The following CLCN5 variants were observed in gnomAD, a reference collection of about 807,000 sequenced individuals.
CLCN5 encodes the protein Cl-/H+ antiporter 5.
CLCN5 carries 17 observed loss-of-function variants against 54.0 expected under a neutral mutation model. The observed-to-expected ratio is 0.31, with a 90% CI of 0.22 to 0.47. The LOEUF (loss-of-function observed/expected upper bound fraction) is 0.47. Ranked by LOEUF, CLCN5 falls within the 20% of genes least tolerant of loss-of-function variation. The pLI is 1.00. For synonymous variants in CLCN5, 222 were observed against 233.0 expected, an observed-to-expected ratio of 0.95 and a Z score of 0.43; for missense variants, 448 against 646.7, an observed-to-expected ratio of 0.69 and a Z score of 3.33.
intron 3 of CLCN5, among the ~76,000 whole-genome samples, chrX:50,015,254 T>C (rs1374582665): frequency 9.1e-6 from 1 of 110,302 alleles, no homozygotes; most frequent in Non-Finnish European, 1.9e-5. Context: ...AGTCTTCCTA[T>C]TCCCCCCACT....
intron 3 of CLCN5, among the ~76,000 whole-genome samples, chrX:49,969,564 T>C (rs1928097666): frequency 1.8e-5 from 2 of 112,695 alleles, no homozygotes; most frequent in African/African-American, 6.5e-5. Flanking sequence ...AAATATTTAG[T>C]GGCTTTTGCA....
At chrX:49,967,215 T>TGGCAAACCGAATCCAGC (rs2060334791) in intron 3 of CLCN5, among the ~76,000 whole-genome samples, 3 of 24,234 alleles carry the variant, frequency 1.2e-4, no homozygotes, top group Admixed American at 4.9e-4. Context: ...ATGGTTGAAC[T>TGGCAAACCGAATCCAGC]AGTTTACAGT....
chrX:49,980,614 C>T (rs1470687928), intron 3 of CLCN5, among the ~76,000 whole-genome samples: 1 of 111,939 alleles, frequency 8.9e-6, no homozygotes, highest in Non-Finnish European at 1.9e-5. Context: ...ATATAAAATG[C>T]CAATGACTGA....
intron 3 of CLCN5, among the ~76,000 whole-genome samples, chrX:49,971,917 G>T (rs140155566): frequency 9.0e-6 from 1 of 111,694 alleles, no homozygotes; most frequent in Non-Finnish European, 1.9e-5. Context: ...AATCTGCCAG[G>T]TTCCTTACTC....
intron 8 of CLCN5, among the ~76,000 whole-genome samples, chrX:50,081,425 C>T (rs1933695310): frequency 9.0e-6 from 1 of 111,004 alleles, no homozygotes; most frequent in Non-Finnish European, 1.9e-5. Flanking sequence ...AGCTATCACT[C>T]CCCTCCCCCT....
At chrX:50,060,563 G>A (rs1410194640) in intron 4 of CLCN5, among the ~76,000 whole-genome samples, 77 of 108,400 alleles carry the variant, frequency 7.1e-4, no homozygotes, top group African/African-American at 2.3e-3. Flanking sequence ...ACTGCAAGGC[G>A]GCAGCGAGGC....
At chrX:49,935,672 T>C (rs782098938) in intron 3 of CLCN5, among the ~76,000 whole-genome samples, 25 of 111,512 alleles carry the variant, frequency 2.2e-4, no homozygotes, top group Non-Finnish European at 4.5e-4. Flanking sequence ...GGAGGAGTTA[T>C]CCACGCAAAG....
chrX:49,945,469 G>A (rs1480611905), intron 3 of CLCN5: 1 of 108,665 alleles, frequency 9.2e-6, no homozygotes, highest in Non-Finnish European at 1.9e-5. Context: ...TTTTAAGATG[G>A]AGTCTTACTC....
At chrX:49,966,186 G>T (rs1407561558) in intron 3 of CLCN5, among the ~76,000 whole-genome samples, 4 of 111,304 alleles carry the variant, frequency 3.6e-5, no homozygotes, top group African/African-American at 1.3e-4. Context: ...TTCTAGTGAA[G>T]CCATCTGGAC....
intron 3 of CLCN5, among the ~76,000 whole-genome samples, chrX:50,033,911 G>C (rs1191777142): frequency 9.0e-6 from 1 of 111,590 alleles, no homozygotes; most frequent in East Asian, 2.8e-4. Context: ...TCTGTTCAGA[G>C]TCCTCACCTT....
chrX:50,038,094 A>G (rs1932072494), intron 3 of CLCN5, among the ~76,000 whole-genome samples: 1 of 112,102 alleles, frequency 8.9e-6, no homozygotes, highest in Admixed American at 9.5e-5. Context: ...GGGATATGTC[A>G]AAAGAACATA....
intron 1 of CLCN5, among the ~76,000 whole-genome samples, chrX:49,923,128 C>T (rs1282263363): frequency 4.4e-5 from 5 of 113,355 alleles, no homozygotes; most frequent in African/African-American, 1.6e-4. Context: ...CCGCCTGCGT[C>T]CCCTTTCCCG....
chrX:50,042,025 A>G (rs1043547930), intron 3 of CLCN5, among the ~76,000 whole-genome samples: 3 of 112,139 alleles, frequency 2.7e-5, no homozygotes, highest in Admixed American at 9.5e-5. Context: ...AGTGTCACAT[A>G]TTGTGTGATT....
chrX:49,936,651 T>C (rs1334185230), intron 3 of CLCN5, among the ~76,000 whole-genome samples: 1 of 112,450 alleles, frequency 8.9e-6, no homozygotes, highest in Non-Finnish European at 1.9e-5. Flanking sequence ...CTTCAGATGA[T>C]TGACTGAAAA....
chrX:50,012,714 C>T (rs1453385726), intron 3 of CLCN5, among the ~76,000 whole-genome samples: 2 of 111,618 alleles, frequency 1.8e-5, no homozygotes, highest in Non-Finnish European at 3.8e-5. Flanking sequence ...GGTCCCTGGG[C>T]CAGCAGCATC....
At chrX:50,022,402 T>A (rs1931145019) in intron 3 of CLCN5, among the ~76,000 whole-genome samples, 2 of 10,221 alleles carry the variant, frequency 2.0e-4, no homozygotes, top group South Asian at 0.013. Flanking sequence ...GGTCTATCAA[T>A]TTTGTTGATC....
At position 50,093,801 on chromosome X, in the gene CLCN5, G is replaced by A. The variant is rs782591153; in HGVS notation, c.*1582G>A. On this transcript the variant is annotated 3_prime_UTR_variant, in exon 15 of 15. Transcript: ENST00000376091. ...AGGGCTAGTTAAATTGTAAACCAAG[G>A]CTCAGCAGTCTCACAACACATGGAC... 1 of 111,653 alleles carries A rather than the reference G, an allele frequency of 9.0e-6. No individual in the cohort carries two copies. The highest frequency in any genetic ancestry group is 9.5e-5 in the Admixed American group (1 of 10,529). The allele number at this position is 111,653 out of a possible 1,213,427, so 9.2% of individuals were successfully genotyped here.
intron 3 of CLCN5, among the ~76,000 whole-genome samples, chrX:50,031,530 C>T (rs1931698170): frequency 9.0e-6 from 1 of 110,986 alleles, no homozygotes; most frequent in Non-Finnish European, 1.9e-5. Flanking sequence ...GCCTTTTTTA[C>T]TCATTTTCTC....
intron 3 of CLCN5, among the ~76,000 whole-genome samples, chrX:49,996,258 G>C (rs1345616901): frequency 9.0e-6 from 1 of 111,600 alleles, no homozygotes; most frequent in African/African-American, 3.3e-5. Context: ...TTCTGCTCTT[G>C]AAATCTATTG....
Sources: allele counts gnomAD v4.1 joint callset (sites outside exome capture counted in the v4.1 genomes callset), GRCh38; gene constraint gnomAD v4.1.1; transcripts MANE v1.5; gene names NCBI Gene and HGNC (gene_info 2026-07-23, HGNC 2026-07-21).